Variants in TCF7L1 observed in about 807,000 individuals in gnomAD.
The protein encoded by TCF7L1 is transcription factor 7-like 1.
A neutral mutation model predicts 63.7 loss-of-function variants in TCF7L1; 18 were observed. The observed-to-expected ratio is 0.28, with a 90% CI of 0.20 to 0.42. TCF7L1 has a LOEUF of 0.42. TCF7L1 is among the 10% of genes least tolerant of loss of function. The pLI, the probability that TCF7L1 is intolerant of heterozygous loss-of-function variation, is 1.00. For missense variants in TCF7L1, 654 were observed against 779.3 expected, an observed-to-expected ratio of 0.84 and a Z score of 1.91; for synonymous variants, 355 against 340.9, an observed-to-expected ratio of 1.04 and a Z score of -0.46.
chr2:85,161,701 C>A (rs1280532979), intron 3 of TCF7L1, among the ~76,000 whole-genome samples: 1 of 152,204 alleles, frequency 6.6e-6, no homozygotes, highest in African/African-American at 2.4e-5. Flanking sequence ...GATGAGAGTG[C>A]CTTTCCACAC....
intron 3 of TCF7L1, among the ~76,000 whole-genome samples, chr2:85,242,324 C>T (rs1680353796): frequency 6.6e-6 from 1 of 152,240 alleles, no homozygotes; most frequent in African/African-American, 2.4e-5. Context: ...TGCCAACATC[C>T]AGGCCAAATC....
At chr2:85,172,618 G>T (rs988566425) in intron 3 of TCF7L1, among the ~76,000 whole-genome samples, 20 of 152,136 alleles carry the variant, frequency 1.3e-4, no homozygotes, top group African/African-American at 4.1e-4. Flanking sequence ...TAGAGACGGG[G>T]TTTCACTATG....
intron 3 of TCF7L1, among the ~76,000 whole-genome samples, chr2:85,164,941 GTTAA>G (rs1217618686): frequency 1.3e-5 from 2 of 152,162 alleles, no homozygotes; most frequent in African/African-American, 4.8e-5. Context: ...TATTTAATAT[GTTAA>G]TTAAATATTA....
At chr2:85,290,517 A>G (rs2104376378) in intron 4 of TCF7L1, among the ~76,000 whole-genome samples, 1 of 152,354 alleles carries the variant, frequency 6.6e-6, no homozygotes, top group Admixed American at 6.5e-5. Flanking sequence ...TGAAATTCAC[A>G]TGAGTATATA....
intron 3 of TCF7L1, among the ~76,000 whole-genome samples, chr2:85,153,233 A>G (rs1678061132): frequency 1.3e-5 from 2 of 152,196 alleles, no homozygotes; most frequent in South Asian, 4.1e-4. Context: ...AAGGTTGCAT[A>G]TAAGCATGTA....
intron 3 of TCF7L1, among the ~76,000 whole-genome samples, chr2:85,152,662 A>G (rs1327715065): frequency 7.5e-6 from 1 of 133,052 alleles, no homozygotes; most frequent in East Asian, 2.0e-4. Context: ...CTTAAACTCT[A>G]GACCTCGGGT....
chr2:85,249,575 G>C (rs1006274561), intron 3 of TCF7L1, among the ~76,000 whole-genome samples: 1 of 152,200 alleles, frequency 6.6e-6, no homozygotes, highest in African/African-American at 2.4e-5. Context: ...GGTGACCCCA[G>C]TTGCCACTCA....
intron 3 of TCF7L1, among the ~76,000 whole-genome samples, chr2:85,252,036 C>G (rs963178221): frequency 1.3e-5 from 2 of 152,206 alleles, no homozygotes; most frequent in Non-Finnish European, 2.9e-5. Context: ...GATTGCGCCA[C>G]TGCACTCCAG....
chr2:85,301,306 T>C (rs1681966928), intron 4 of TCF7L1, among the ~76,000 whole-genome samples: 1 of 152,212 alleles, frequency 6.6e-6, no homozygotes, highest in Admixed American at 6.5e-5. Context: ...GGCTAAGTCA[T>C]GTAATCTTTC....
In TCF7L1 at chr2:85,134,227, G is replaced by A. The variant is rs527844397; in HGVS notation, c.314-96G>A. ...GCAGCCCCCGTGGGGCGCGCGTGGG[G>A]GGCGCTGGGGTCCCCAGCTCCCGCC... is the stretch of plus-strand genomic sequence containing the variant. On this transcript the variant is annotated intron_variant, in intron 2 of 11. Transcript: ENST00000282111. The surrounding 1 kb of genome is among the most constrained non-coding windows in gnomAD (Gnocchi z 5.0). 1.9e-4 allele frequency: 285 copies of A among 1,473,870 alleles called. 3 individuals are homozygous for A. In the East Asian group the frequency reaches 6.9e-3, roughly 36 times the overall value. The allele number at this position is 1,473,870 out of a possible 1,614,324, so 91.3% of individuals were successfully genotyped here.
intron 3 of TCF7L1, among the ~76,000 whole-genome samples, chr2:85,162,472 T>TAA (rs1678313126): frequency 6.6e-6 from 1 of 152,166 alleles, no homozygotes; most frequent in South Asian, 2.1e-4. Context: ...CACCCCTTAT[T>TAA]AAACACCAGC....
At chr2:85,281,364 A>G (rs1242134982) in intron 3 of TCF7L1, among the ~76,000 whole-genome samples, 1 of 152,138 alleles carries the variant, frequency 6.6e-6, no homozygotes, top group Non-Finnish European at 1.5e-5. Flanking sequence ...CCTACTTGTC[A>G]TTGCAGGGTT....
At chr2:85,237,717 G>C (rs1216804510) in intron 3 of TCF7L1, among the ~76,000 whole-genome samples, 1 of 149,254 alleles carries the variant, frequency 6.7e-6, no homozygotes, top group African/African-American at 2.5e-5. Flanking sequence ...CAGTGGGGTT[G>C]GGGGGTGGGT....
At chr2:85,156,451 C>G (rs752848881) in intron 3 of TCF7L1, among the ~76,000 whole-genome samples, 2 of 152,220 alleles carry the variant, frequency 1.3e-5, no homozygotes, top group Non-Finnish European at 2.9e-5. Flanking sequence ...CTGTGTTCGT[C>G]TCCCCCAGGC....
At chr2:85,152,186 A>G (rs1678032620) in intron 3 of TCF7L1, among the ~76,000 whole-genome samples, 1 of 151,992 alleles carries the variant, frequency 6.6e-6, no homozygotes. Flanking sequence ...CACCTTGTAC[A>G]TTTCTTGTCC....
rs1404892479 is a variant in TCF7L1, at chr2:85,306,855, G to T, written c.1257+296G>T. 6.6e-6 allele frequency among the ~76,000 whole-genome samples: 1 copy of T among 151,874 alleles called. No individual in the cohort carries two copies. Among genetic ancestry groups the T allele is most frequent in the Non-Finnish European group, 1.5e-5 (1 of 68,014 alleles). On this transcript the variant is annotated intron_variant, in intron 10 of 11. Coordinates refer to ENST00000282111, the MANE Select transcript of TCF7L1 (RefSeq NM_031283.3). The surrounding 1 kb of genome is among the most constrained non-coding windows in gnomAD (Gnocchi z 4.3). ...AATTTTTTGTATTTTTAGTAGAGACGGGGTTTCACTGTGTTAACCAGGATG... is the reference window on the plus strand; with the variant it reads ...AATTTTTTGTATTTTTAGTAGAGACTGGGTTTCACTGTGTTAACCAGGATG...
chr2:85,254,178 T>C (rs1168630149), intron 3 of TCF7L1, among the ~76,000 whole-genome samples: 1 of 152,270 alleles, frequency 6.6e-6, no homozygotes, highest in Non-Finnish European at 1.5e-5. Flanking sequence ...TTGCTGCCAC[T>C]GCAAACCATC....
intron 3 of TCF7L1, among the ~76,000 whole-genome samples, chr2:85,232,765 A>G (rs1680112814): frequency 1.3e-5 from 2 of 152,120 alleles, no homozygotes; most frequent in Admixed American, 6.6e-5. Context: ...GAATGTTTAT[A>G]CTTATCCACG....
intron 3 of TCF7L1, among the ~76,000 whole-genome samples, chr2:85,179,640 C>G (rs1204925266): frequency 2.0e-5 from 3 of 152,184 alleles, no homozygotes; most frequent in South Asian, 2.1e-4. Context: ...TTGCTCTGCT[C>G]ACACCTTTCA....
Sources: allele counts gnomAD v4.1 joint callset (sites outside exome capture counted in the v4.1 genomes callset), GRCh38; gene constraint gnomAD v4.1.1; non-coding constraint Gnocchi (gnomAD v3.1); transcripts MANE v1.5; gene names NCBI Gene and HGNC (gene_info 2026-07-23, HGNC 2026-07-21).